Variants in RAPGEF1 observed in about 807,000 individuals in gnomAD.
RAPGEF1 encodes the protein CRK SH3-binding GNRP.
In RAPGEF1, 33 loss-of-function variants were observed where a neutral mutation model predicts 143.3. That is an observed-to-expected ratio of 0.23 (90% CI 0.17 to 0.31). RAPGEF1 has a LOEUF of 0.31. Among genes scored for constraint, RAPGEF1 ranks in the 10% least tolerant of loss-of-function variants. The probability of loss-of-function intolerance (pLI) is 1.00; values close to 1 mark genes in which losing one functional copy is unlikely to be tolerated. For missense variants in RAPGEF1, 1,199 were observed against 1,645.4 expected (o/e 0.73, Z 4.69); for synonymous variants, 629 against 676.5 (o/e 0.93, Z 1.09).
At chr9:131,716,114 T>C (rs543922502) in intron 1 of RAPGEF1, among the ~76,000 whole-genome samples, 1 of 152,254 alleles carries the variant, frequency 6.6e-6, no homozygotes, top group African/African-American at 2.4e-5. Context: ...ACGAGGCTGC[T>C]TCTATCCAGG....
In RAPGEF1 at chr9:131,655,406, G is replaced by A. The variant is rs1415626538; in HGVS notation, c.62-4457C>T. 6.6e-6 allele frequency among the ~76,000 whole-genome samples: 1 copy of A among 152,200 alleles called. No homozygotes were observed. The highest frequency in any genetic ancestry group is 1.5e-5 in the Non-Finnish European group (1 of 68,032). ...CAGGGTCAGGAGGCTCTCAACACCA[G>A]CCCTCATATGTCAGCAGTCATCCCT... On this transcript the variant is annotated intron_variant, in intron 1 of 26. Transcript: ENST00000683357. This position sits in a 1 kb window ranked among gnomAD's most constrained non-coding sequence, Gnocchi z 4.1.
At chr9:131,708,064 G>A (rs1835209714) in intron 1 of RAPGEF1, among the ~76,000 whole-genome samples, 2 of 152,154 alleles carry the variant, frequency 1.3e-5, no homozygotes, top group African/African-American at 2.4e-5. Context: ...ACAAAAGAAT[G>A]ACTCACAGAA....
Position 131,628,241 on chromosome 9 carries a change from G to A in RAPGEF1, c.1018-145C>T, listed in dbSNP as rs1286821902. 1.2e-6 allele frequency: 1 copy of A among 845,154 alleles called. No individual in the cohort carries two copies. Among genetic ancestry groups the A allele is most frequent in the African/African-American group, 1.7e-5 (1 of 58,320 alleles). The allele number at this position is 845,154 out of a possible 1,614,324, so 52.4% of individuals were successfully genotyped here. A position where few individuals can be genotyped will look rare whatever the true frequency, so the allele number is the denominator to read the frequency against. On this transcript the variant is annotated intron_variant, in intron 8 of 26. Coordinates refer to ENST00000683357, the MANE Select transcript of RAPGEF1 (RefSeq NM_001377935.1). This position sits in a 1 kb window ranked among gnomAD's most constrained non-coding sequence, Gnocchi z 5.7. Reference sequence around the variant, plus strand: ...CCACCTCTGACGTCAGTAGTCGAAGGACACATACAGCTGAGAAGCAGCCAT... The same window carrying A: ...CCACCTCTGACGTCAGTAGTCGAAGAACACATACAGCTGAGAAGCAGCCAT...
intron 12 of RAPGEF1, among the ~76,000 whole-genome samples, chr9:131,609,437 C>T (rs1258370573): frequency 6.6e-6 from 1 of 152,168 alleles, no homozygotes; most frequent in Non-Finnish European, 1.5e-5. Flanking sequence ...CAGGCCCTAA[C>T]CATGCAATCC....
intron 1 of RAPGEF1, among the ~76,000 whole-genome samples, chr9:131,700,903 T>G (rs368057723): frequency 6.6e-6 from 1 of 152,194 alleles, no homozygotes; most frequent in African/African-American, 2.4e-5. Flanking sequence ...TTTAAATCGT[T>G]TTATGGGTAT....
At position 131,650,329 on chromosome 9, in the gene RAPGEF1, T is replaced by C; in HGVS notation, c.202-87A>G. On this transcript the variant is annotated intron_variant, in intron 2 of 26. Transcript: ENST00000683357. The surrounding 1 kb of genome is among the most constrained non-coding windows in gnomAD (Gnocchi z 4.7). ...GGGGTTGATGAAAGTCAATAGCTGT[T>C]TCAACATATCTGGCTTGACTGGCCC... 1.0e-6 allele frequency: 1 copy of C among 1,004,668 alleles called. No individual in the cohort carries two copies. The highest frequency in any genetic ancestry group is 1.5e-5 in the South Asian group (1 of 67,592). The allele number at this position is 1,004,668 out of a possible 1,614,324, so 62.2% of individuals were successfully genotyped here. A position where few individuals can be genotyped will look rare whatever the true frequency, so the allele number is the denominator to read the frequency against.
At chr9:131,611,980 T>G (rs1348287133) in intron 12 of RAPGEF1, among the ~76,000 whole-genome samples, 1 of 152,220 alleles carries the variant, frequency 6.6e-6, no homozygotes, top group Admixed American at 6.5e-5. Context: ...ATGGCTCAGC[T>G]TCTCTCTCCT....
chr9:131,620,270 A>C (rs1438131887), intron 11 of RAPGEF1, among the ~76,000 whole-genome samples: 2 of 75,808 alleles, frequency 2.6e-5, no homozygotes, highest in Non-Finnish European at 5.0e-5. Flanking sequence ...TGGCTCAGCA[A>C]TGGCTTTTTT....
At chr9:131,586,401 A>AACACAC (rs58177991) in intron 22 of RAPGEF1, among the ~76,000 whole-genome samples, 13 of 12,466 alleles carry the variant, frequency 1.0e-3, no homozygotes, top group South Asian at 3.6e-3. Context: ...CTCCGTCTCA[A>AACACAC]ACACACACAC....
intron 10 of RAPGEF1, among the ~76,000 whole-genome samples, chr9:131,623,366 C>T (rs1419035564): frequency 1.3e-5 from 2 of 152,122 alleles, no homozygotes; most frequent in Non-Finnish European, 2.9e-5. Flanking sequence ...ATTCAAGAGG[C>T]TGAGGTGGGG....
chr9:131,709,945 G>T lies in RAPGEF1; in HGVS notation c.61+29825C>A, dbSNP rs898876725. The T allele has an allele frequency of 1.3e-5, 13 of 985,230 alleles. No homozygotes were observed. In the African/African-American group the frequency reaches 1.6e-4, roughly 12 times the overall value. 61.0% of individuals were successfully genotyped at this position (985,230 alleles called of 1,614,324 possible). The stretch of plus-strand genomic sequence containing the variant: ...GCCCTACCGGTGCCTCTCAGGCATG[G>T]TCTATATTAAGAAGCTCTTTCCTCA... On this transcript the variant is annotated intron_variant, in intron 1 of 26. Transcript: ENST00000683357.
Position 131,604,036 on chromosome 9 carries a change from C to T in RAPGEF1, c.2337G>A (p.Glu779=), listed in dbSNP as rs1010190124. 3.0e-6 allele frequency: 4 copies of T among 1,334,634 alleles called. No homozygotes were observed. The highest frequency in any genetic ancestry group is 2.4e-5 in the South Asian group (2 of 83,732). The allele number at this position is 1,334,634 out of a possible 1,614,324, so 82.7% of individuals were successfully genotyped here. ...SFTDSSENAS[E]EAGEGEYVNL... ...TGACATATTCACCCTCACCAGCTTC[C>T]TCACTGGCGTTTTCACTCTGGGGGA... The change falls in exon 14 of 27, where the codon GAG becomes GAA. Residue 779 remains glutamate (E), a synonymous_variant. Coordinates refer to ENST00000683357, the MANE Select transcript of RAPGEF1 (RefSeq NM_001377935.1).
intron 1 of RAPGEF1, among the ~76,000 whole-genome samples, chr9:131,693,257 T>C (rs1486922062): frequency 6.6e-6 from 1 of 152,194 alleles, no homozygotes; most frequent in Non-Finnish European, 1.5e-5. Flanking sequence ...CCCTAAGTTT[T>C]GGTCACACTG....
At position 131,739,995 on chromosome 9, in the gene RAPGEF1, C is replaced by T. The variant is rs1837647819; in HGVS notation, c.-165G>A. The T allele has an allele frequency of 5.6e-6, 1 of 178,006 alleles. No homozygotes were observed. The highest frequency in any genetic ancestry group is 6.8e-5 in the Admixed American group (1 of 14,720). The allele number at this position is 178,006 out of a possible 1,614,324, so 11.0% of individuals were successfully genotyped here. A position where few individuals can be genotyped will look rare whatever the true frequency, so the allele number is the denominator to read the frequency against. On this transcript the variant is annotated 5_prime_UTR_variant, in exon 1 of 27. Coordinates refer to ENST00000683357, the MANE Select transcript of RAPGEF1 (RefSeq NM_001377935.1). The stretch of plus-strand genomic sequence containing the variant: ...CAGCCCGCCCGGGCCCAGCCGCTCC[C>T]GCCGCGCCCGCCGCCGCCGCTCCGC...
intron 1 of RAPGEF1, among the ~76,000 whole-genome samples, chr9:131,687,628 G>A (rs924190973): frequency 2.0e-5 from 3 of 152,160 alleles, no homozygotes; most frequent in East Asian, 1.9e-4. Flanking sequence ...CAAAGGAAAC[G>A]CATGGAGGCA....
rs200079854 is a variant in RAPGEF1 at position 131,582,634 on chromosome 9, C to T, written c.3483G>A (p.Ser1161=). 6.5e-6 allele frequency: 10 copies of T among 1,533,906 alleles called. No individual in the cohort carries two copies. The highest frequency in any genetic ancestry group is 2.6e-5 in the East Asian group (1 of 38,112). Residue 1161 remains serine (S), a synonymous_variant, in exon 25 of 27, where the codon TCG becomes TCA. Coordinates refer to ENST00000683357, the MANE Select transcript of RAPGEF1 (RefSeq NM_001377935.1). The stretch of plus-strand genomic sequence containing the variant: ...ACGGGATGCACGGCGGTTCCACCTC[C>T]GAGAGGGCGGCCCGGTAGGCTCGGA... The part of the protein sequence containing the change: ...SSFRAYRAAL[S]EVEPPCIPYL...
chr9:131,710,951 G>C (rs1835461631), intron 1 of RAPGEF1, among the ~76,000 whole-genome samples: 1 of 152,060 alleles, frequency 6.6e-6, no homozygotes, highest in South Asian at 2.1e-4. Flanking sequence ...CATAATTCCA[G>C]TCTCACCTCC....
chr9:131,658,483 G>C (rs1310276007), intron 1 of RAPGEF1, among the ~76,000 whole-genome samples: 1 of 152,204 alleles, frequency 6.6e-6, no homozygotes, highest in Non-Finnish European at 1.5e-5. Context: ...CCCAAGGTCA[G>C]AGACTCCCAG....
rs894881875 is a variant in RAPGEF1, at chr9:131,583,226, C to T, written c.3415-524G>A. On this transcript the variant is annotated intron_variant, in intron 24 of 26. Transcript: ENST00000683357. This position sits in a 1 kb window ranked among gnomAD's most constrained non-coding sequence, Gnocchi z 4.7. ...TCCCACCTAGGAGACTCAGCCAGCC[C>T]TGCCCCACTCAGAAGGCCCCTCTCC... is the stretch of plus-strand genomic sequence containing the variant. Among the ~76,000 whole-genome samples the T allele has an allele frequency of 6.6e-6, 1 of 152,168 alleles. No individual in the cohort carries two copies. The highest frequency in any genetic ancestry group is 1.5e-5 in the Non-Finnish European group (1 of 68,020).
Sources: gnomAD v4.1 joint callset for allele counts (sites outside exome capture counted in the v4.1 genomes callset) on GRCh38, gnomAD v4.1.1 for gene constraint, Gnocchi (gnomAD v3.1) non-coding constraint, MANE v1.5 for transcripts, NCBI Gene and HGNC (gene_info 2026-07-23, HGNC 2026-07-21) for gene names.